MYO9B: variants seen among roughly 807,000 people sequenced by gnomAD.
MYO9B encodes myosin IXB, also known as unconventional myosin-IXb.
Under a neutral mutation model 229.5 loss-of-function variants are expected in MYO9B, and 71 were observed. That is an observed-to-expected ratio of 0.31 (90% CI 0.26 to 0.38). The LOEUF (loss-of-function observed/expected upper bound fraction) is 0.38. MYO9B is among the 10% of genes least tolerant of loss of function. The pLI is 1.00. For synonymous variants in MYO9B, 1,185 were observed against 1,235.8 expected, an observed-to-expected ratio of 0.96 and a Z score of 0.86; for missense variants, 2,255 against 2,920.5, an observed-to-expected ratio of 0.77 and a Z score of 5.25.
intron 9 of MYO9B, 143 bp downstream of exon 9, chr19:17,162,609 A>G (rs2145317071): frequency 1.3e-6 from 1 of 740,856 alleles, no homozygotes; most frequent in Non-Finnish European, 2.2e-6. Context: ...CAGGCCCAGG[A>G]AACAGGACAG....
intron 2 of MYO9B, among the ~76,000 whole-genome samples, chr19:17,105,977 C>T (rs998413371): frequency 6.6e-6 from 1 of 151,300 alleles, no homozygotes; most frequent in African/African-American, 2.4e-5. Context: ...CCTCCCCTCC[C>T]CTCCTCTCCC....
rs555375469 is a variant in MYO9B, at chr19:17,118,415, A to G, written c.840+15858A>G. Reference sequence around the variant, plus strand: ...ATAGGAGTTCGAGACCAGCATGACAACATAGCGAGAGCCTGTCTCTATATT... The same window carrying G: ...ATAGGAGTTCGAGACCAGCATGACAGCATAGCGAGAGCCTGTCTCTATATT... On this transcript the variant is annotated intron_variant, in intron 2 of 39. Transcript: ENST00000682292. 2.6e-4 allele frequency among the ~76,000 whole-genome samples: 39 copies of G among 152,158 alleles called. No homozygotes were observed. In the South Asian group the frequency reaches 7.3e-3, roughly 28 times the overall value.
rs142805009 is a variant in MYO9B, at chr19:17,143,795, C to T, written c.841-1602C>T. 7.1e-3 allele frequency among the ~76,000 whole-genome samples: 1,079 copies of T among 152,326 alleles called. 15 individuals are homozygous for T. The highest frequency in any genetic ancestry group is 0.024 in the African/African-American group (981 of 41,568). ...AATTAGCTGGGCATGGTGGCACACG[C>T]CTGTATTCCCAGCTATTTGGGAGGC... On this transcript the variant is annotated intron_variant, in intron 2 of 39. Coordinates refer to ENST00000682292, the MANE Select transcript of MYO9B (RefSeq NM_004145.4).
intron 2 of MYO9B, among the ~76,000 whole-genome samples, chr19:17,110,255 C>T (rs1433935948): frequency 6.6e-6 from 1 of 152,190 alleles, no homozygotes; most frequent in East Asian, 1.9e-4. Context: ...TGTGGAAAGC[C>T]GGTTCCAATC....
chr19:17,154,155 G>A, intron 5 of MYO9B, 89 bp downstream of exon 5: 1 of 1,382,928 alleles, frequency 7.2e-7, no homozygotes, highest in South Asian at 1.2e-5. Flanking sequence ...GAGGCAGCCT[G>A]CCCTGGCCCC....
chr19:17,086,587 A>G (rs2057585646), intron 1 of MYO9B, among the ~76,000 whole-genome samples: 1 of 152,118 alleles, frequency 6.6e-6, no homozygotes, highest in Admixed American at 6.5e-5. Context: ...TAACTTCCAA[A>G]ATGTCTCCAT....
intron 2 of MYO9B, among the ~76,000 whole-genome samples, chr19:17,110,962 C>T (rs964432899): frequency 2.6e-4 from 40 of 152,266 alleles, no homozygotes; most frequent in African/African-American, 9.6e-4. Context: ...TCATGTTTCC[C>T]CCAACTCCCC....
intron 2 of MYO9B, among the ~76,000 whole-genome samples, chr19:17,120,325 G>A (rs2057950187): frequency 6.6e-6 from 1 of 152,128 alleles, no homozygotes; most frequent in Non-Finnish European, 1.5e-5. Context: ...AGAGCAGATT[G>A]GATTCAAAGG....
At chr19:17,087,776 A>C (rs1180929390) in intron 1 of MYO9B, among the ~76,000 whole-genome samples, 1 of 152,118 alleles carries the variant, frequency 6.6e-6, no homozygotes, top group Admixed American at 6.5e-5. Flanking sequence ...GTAAATACAA[A>C]AAAATTAGCC....
chr19:17,179,420 ATTTTT>A (rs747998068), intron 14 of MYO9B, among the ~76,000 whole-genome samples: 5 of 86,668 alleles, frequency 5.8e-5, no homozygotes, highest in African/African-American at 2.7e-4. Flanking sequence ...GCCCCAACTG[ATTTTT>A]TTTTTTTTTT....
Position 17,102,476 on chromosome 19 carries a change from C to T in MYO9B, c.759C>T (p.Ile253=), listed in dbSNP as rs747771129. The T allele has an allele frequency of 7.4e-6, 12 of 1,613,716 alleles. No individual in the cohort carries two copies. The highest frequency in any genetic ancestry group is 1.0e-5 in the Non-Finnish European group (12 of 1,179,858). ...SGKTQSTNFL[I]HCLTALSQKG... The stretch of plus-strand genomic sequence containing the variant: ...AGACCCAGAGCACCAACTTCCTCAT[C>T]CACTGCCTCACCGCCCTCAGCCAGA... Residue 253 remains isoleucine, a synonymous_variant, in exon 2 of 40, where the codon ATC becomes ATT. Transcript: ENST00000682292.
In MYO9B at chr19:17,156,893, G is replaced by T. The variant is rs1042018989; in HGVS notation, c.1200-16G>T. 49 of 1,609,798 alleles carry T rather than the reference G, an allele frequency of 3.0e-5. No homozygotes were observed. Among genetic ancestry groups the T allele is most frequent in the Non-Finnish European group, 3.9e-5 (46 of 1,178,278 alleles). On this transcript the variant is annotated splice_polypyrimidine_tract_variant and intron_variant, in intron 6 of 39. Coordinates refer to ENST00000682292, the MANE Select transcript of MYO9B (RefSeq NM_004145.4). ...ACGTAGAAACTACCCAAATATGAGT[G>T]CCTTTTCTTTCCCAGGATTTTTGCC...
chr19:17,101,369 G>T lies in MYO9B; in HGVS notation c.-58-291G>T, dbSNP rs888109668. ...TTTTGTAGAGACGGGGTCTCGCTATGTTGCCCAGGCTGGTCTCAAACTCCT... is the reference window on the plus strand; with the variant it reads ...TTTTGTAGAGACGGGGTCTCGCTATTTTGCCCAGGCTGGTCTCAAACTCCT... On this transcript the variant is annotated intron_variant, in intron 1 of 39. Coordinates refer to ENST00000682292, the MANE Select transcript of MYO9B (RefSeq NM_004145.4). This position sits in a 1 kb window ranked among gnomAD's most constrained non-coding sequence, Gnocchi z 4.7. 2.0e-5 allele frequency among the ~76,000 whole-genome samples: 3 copies of T among 151,920 alleles called. No individual in the cohort carries two copies. Among genetic ancestry groups the T allele is most frequent in the African/African-American group, 7.2e-5 (3 of 41,380 alleles).
At chr19:17,187,308 G>T (rs1466986486) in intron 18 of MYO9B, among the ~76,000 whole-genome samples, 1 of 152,084 alleles carries the variant, frequency 6.6e-6, no homozygotes, top group Non-Finnish European at 1.5e-5. Context: ...GGCTTTGTCC[G>T]CCCCATCACC....
At chr19:17,146,281 A>G (rs1284780105) in intron 3 of MYO9B, among the ~76,000 whole-genome samples, 1 of 149,438 alleles carries the variant, frequency 6.7e-6, no homozygotes, top group African/African-American at 2.5e-5. Flanking sequence ...ATCTACCCAT[A>G]CACTCATGAA....
intron 22 of MYO9B, among the ~76,000 whole-genome samples, chr19:17,197,096 C>T (rs1260242961): frequency 3.3e-5 from 5 of 151,604 alleles, no homozygotes; most frequent in African/African-American, 1.2e-4. Flanking sequence ...GCCAACGTGG[C>T]GAAACCCCGT....
At chr19:17,162,173 C>T (rs1000755999) in intron 8 of MYO9B, among the ~76,000 whole-genome samples, 177 bp from the exon 9 acceptor site, 3 of 151,828 alleles carry the variant, frequency 2.0e-5, no homozygotes, top group Non-Finnish European at 4.4e-5. Context: ...GGTATAGTGG[C>T]GCTTGCCTGT....
chr19:17,183,658 C>T (rs530807090), intron 15 of MYO9B, 171 bp from the exon 16 acceptor site: 36 of 597,964 alleles, frequency 6.0e-5, no homozygotes, highest in South Asian at 5.0e-4. Context: ...AGGCACGCCA[C>T]GGTGTGCAGC....
chr19:17,189,446 G>A (rs548243675), intron 19 of MYO9B, among the ~76,000 whole-genome samples: 1 of 127,818 alleles, frequency 7.8e-6, no homozygotes, highest in East Asian at 3.1e-4. Flanking sequence ...AATCAGTCTA[G>A]GCAACATGGT....
Sources: allele counts gnomAD v4.1 joint callset (sites outside exome capture counted in the v4.1 genomes callset), GRCh38; gene constraint gnomAD v4.1.1; non-coding constraint Gnocchi (gnomAD v3.1); transcripts MANE v1.5; gene names NCBI Gene and HGNC (gene_info 2026-07-23, HGNC 2026-07-21).